FOXO4: variants seen among roughly 807,000 people sequenced by gnomAD.
FOXO4 encodes forkhead box protein O4.
Under a neutral mutation model 20.8 loss-of-function variants are expected in FOXO4, and 3 were observed. The observed-to-expected ratio is 0.14, with a 90% CI of 0.07 to 0.37. The LOEUF is 0.37. FOXO4 is among the 10% of genes least tolerant of loss of function. FOXO4 has a pLI of 1.00. For missense variants in FOXO4, 309 were observed against 431.9 expected (o/e 0.72, Z 2.52); for synonymous variants, 158 against 180.0 (o/e 0.88, Z 0.98).
intron 1 of FOXO4, among the ~76,000 whole-genome samples, chrX:71,098,435 C>G (rs944003825): frequency 1.7e-4 from 19 of 112,111 alleles, no homozygotes; most frequent in Non-Finnish European, 3.4e-4. Flanking sequence ...AAGGCCCCCC[C>G]ACCCCTCTCT....
At chrX:71,097,291 C>T (rs1228776877) in intron 1 of FOXO4, among the ~76,000 whole-genome samples, 4 of 111,416 alleles carry the variant, frequency 3.6e-5, no homozygotes, top group African/African-American at 1.3e-4. Context: ...ACACTTATTC[C>T]CACAGAGAAG....
chrX:71,097,055 C>A, intron 1 of FOXO4, 74 bp downstream of exon 1: 1 of 917,357 alleles, frequency 1.1e-6, no homozygotes, highest in Non-Finnish European at 1.5e-6. Context: ...TACTTCTACT[C>A]TGGGGCCCCT....
In FOXO4 at chrX:71,101,352, G is replaced by T. The variant is rs774187721; in HGVS notation, c.1122G>T (p.Thr374=). The change falls in exon 2 of 3, where the codon ACG becomes ACT. Residue 374 remains threonine (T), a synonymous_variant. Transcript: ENST00000374259. ...TGGAGGCCCTGCTCACCTCTGATAC[G>T]CCACCACCCCCTGCTGACGTCCTCA... ...QALEALLTSD[T]PPPPADVLMT... is the part of the protein sequence containing the mutation. 2.5e-6 allele frequency: 3 copies of T among 1,209,056 alleles called. No homozygotes were observed. Among genetic ancestry groups the T allele is most frequent in the East Asian group, 3.0e-5 (1 of 33,734 alleles).
In FOXO4 at chrX:71,101,540, C is replaced by T; in HGVS notation, c.1310C>T (p.Pro437Leu). The T allele has an allele frequency of 8.3e-7, 1 of 1,211,791 alleles. No homozygotes were observed. The highest frequency in any genetic ancestry group is 1.1e-6 in the Non-Finnish European group (1 of 895,475). ...LVPTLSMIAP[P>L]PVMASAPIPK... Reference sequence around the variant, plus strand: ...CCCACCCTTTCTATGATAGCACCACCTCCAGTCATGGCAAGTGCCCCCATC... The same window carrying T: ...CCCACCCTTTCTATGATAGCACCACTTCCAGTCATGGCAAGTGCCCCCATC... The change falls in exon 2 of 3, where the codon CCT becomes CTT. Residue 437 changes from proline (P) to leucine (L), a missense_variant. Pro to Leu is a moderately conservative substitution (Grantham distance 98). Coordinates refer to ENST00000374259, the MANE Select transcript of FOXO4 (RefSeq NM_005938.4).
intron 1 of FOXO4, among the ~76,000 whole-genome samples, chrX:71,100,177 C>A (rs2092226939): frequency 9.3e-6 from 1 of 107,714 alleles, no homozygotes. Context: ...GGTACCGCTC[C>A]CCCCACCCCC....
Position 71,096,732 on chromosome X carries a change from G to A in FOXO4, c.204G>A (p.Leu68=). ...CGGAGGGGCGCTCAGAGCCGATCCT[G>A]TTGCCCTCTCGGCTCCCAGAGCCGG... ...VHTEGRSEPI[L]LPSRLPEPAG... The change falls in exon 1 of 3, where the codon CTG becomes CTA. Residue 68 remains leucine, a synonymous_variant. Coordinates refer to ENST00000374259, the MANE Select transcript of FOXO4 (RefSeq NM_005938.4). 3.3e-6 allele frequency: 4 copies of A among 1,205,071 alleles called. No individual in the cohort carries two copies. The South Asian group carries it at 7.2e-5, about 22-fold the overall frequency.
At position 71,096,610 on chromosome X, in the gene FOXO4, C is replaced by A; in HGVS notation, c.82C>A (p.Pro28Thr). 1 of 1,210,625 alleles carries A rather than the reference C, an allele frequency of 8.3e-7. No individual in the cohort carries two copies. Among genetic ancestry groups the A allele is most frequent in the Non-Finnish European group, 1.1e-6 (1 of 894,743 alleles). Residue 28 changes from proline (P) to threonine (T), a missense_variant, in exon 1 of 3, where the codon CCC becomes ACC. By Grantham distance (38) the Pro-to-Thr change is conservative. Around this residue, in one of 3 missense-constraint regions of FOXO4, gnomAD observed 81 missense variants for 94.2 expected, o/e 0.86. Transcript: ENST00000374259. ...LDPDFEPQSR[P>T]RSCTWPLPRP... is the part of the protein sequence containing the mutation. The stretch of plus-strand genomic sequence containing the variant: ...TCCCGACTTCGAACCCCAGAGCCGT[C>A]CCCGCTCCTGCACCTGGCCCCTTCC...
intron 1 of FOXO4, among the ~76,000 whole-genome samples, chrX:71,097,873 AT>A (rs2092222083): frequency 9.0e-6 from 1 of 111,724 alleles, no homozygotes; most frequent in African/African-American, 3.3e-5. Context: ...TGAGGTCAGC[AT>A]ATAACCAAGT....
rs778894784 is a variant in FOXO4, at chrX:71,100,746, C to A, written c.516C>A (p.Thr172=). The part of the protein sequence containing the change: ...SKFIKVHNEA[T]GKSSWWMLNP... ...TCATCAAGGTTCACAACGAGGCCACCGGCAAAAGCTCTTGGTGGATGCTGA... is the reference window on the plus strand; with the variant it reads ...TCATCAAGGTTCACAACGAGGCCACAGGCAAAAGCTCTTGGTGGATGCTGA... The change falls in exon 2 of 3, where the codon ACC becomes ACA. Residue 172 remains threonine (T), a synonymous_variant. Coordinates refer to ENST00000374259, the MANE Select transcript of FOXO4 (RefSeq NM_005938.4). 2.1e-5 allele frequency: 25 copies of A among 1,206,282 alleles called. 1 individual carries two copies. In the Admixed American group the frequency reaches 3.1e-4, roughly 15 times the overall value.
At position 71,102,316 on chromosome X, in the gene FOXO4, A is replaced by G. The variant is rs961477430; in HGVS notation, c.*232A>G. 2.3e-6 allele frequency: 1 copy of G among 430,967 alleles called. No homozygotes were observed. Among genetic ancestry groups the G allele is most frequent in the Non-Finnish European group, 4.0e-6 (1 of 247,315 alleles). The allele number at this position is 430,967 out of a possible 1,213,427, so 35.5% of individuals were successfully genotyped here. ...GGAGAGGGTTTTTCTCACTGTGCCA[A>G]TTAGGGGGTAAGGCCCCCTCTCAGG... On this transcript the variant is annotated 3_prime_UTR_variant, in exon 3 of 3. Coordinates refer to ENST00000374259, the MANE Select transcript of FOXO4 (RefSeq NM_005938.4).
chrX:71,100,574 A>G, intron 1 of FOXO4, 110 bp from the exon 2 acceptor site: 2 of 540,855 alleles, frequency 3.7e-6, no homozygotes, highest in Admixed American at 4.7e-5. Context: ...GTGGCACCAA[A>G]TCCTAAACCC....
intron 1 of FOXO4, among the ~76,000 whole-genome samples, chrX:71,098,663 A>G (rs1013700878): frequency 8.9e-6 from 1 of 112,302 alleles, no homozygotes; most frequent in Non-Finnish European, 1.9e-5. Context: ...ACCACTTGCT[A>G]GTTCCAAGGC....
In FOXO4 at chrX:71,096,155, G is replaced by A; in HGVS notation, c.-374G>A. On this transcript the variant is annotated 5_prime_UTR_variant, in exon 1 of 3. Transcript: ENST00000374259. ...GTCCGGGGGGCAGCAACTTAAAAGG[G>A]GGAGGGAACTGCGGCTAAGGAGACG... The A allele has an allele frequency of 4.6e-6, 1 of 217,215 alleles. No individual in the cohort carries two copies. Among genetic ancestry groups the A allele is most frequent in the Non-Finnish European group, 8.4e-6 (1 of 119,520 alleles). The allele number at this position is 217,215 out of a possible 1,213,427, so 17.9% of individuals were successfully genotyped here.
rs746261779 is a variant in FOXO4, at chrX:71,100,948, G to A, written c.718G>A (p.Gly240Ser). Residue 240 changes from glycine (G) to serine (S), a missense_variant, in exon 2 of 3, where the codon GGC becomes AGC. By Grantham distance (56) the Gly-to-Ser change is moderately conservative. Around this residue, in one of 3 missense-constraint regions of FOXO4, gnomAD observed 223 missense variants for 302.7 expected, o/e 0.74. Coordinates refer to ENST00000374259, the MANE Select transcript of FOXO4 (RefSeq NM_005938.4). ...SPVGHFAKWSGSPCSRNREEA... is the reference protein window; with the variant it reads ...SPVGHFAKWSSSPCSRNREEA... ...TGTCGGCCACTTTGCCAAGTGGTCAGGCAGCCCTTGCTCTCGAAACCGTGA... is the reference window on the plus strand; with the variant it reads ...TGTCGGCCACTTTGCCAAGTGGTCAAGCAGCCCTTGCTCTCGAAACCGTGA... 21 of 1,209,815 alleles carry A rather than the reference G, an allele frequency of 1.7e-5. No homozygotes were observed. The highest frequency in any genetic ancestry group is 2.0e-5 in the Non-Finnish European group (18 of 894,963).
Position 71,101,324 on chromosome X carries a change from C to A in FOXO4, c.1094C>A (p.Ala365Asp). ...GAAGGGTGCTTCTCCAGCTCCCAGG[C>A]TCTGGAGGCCCTGCTCACCTCTGAT... ...AGEGCFSSSQ[A>D]LEALLTSDTP... The change falls in exon 2 of 3, where the codon GCT (alanine) becomes GAT (aspartate). Residue 365 changes from alanine (A) to aspartate (D), a missense_variant. Physicochemically the swap from Ala to Asp is moderately radical, Grantham distance 126 (BLOSUM62 -2). Transcript: ENST00000374259. 8.3e-7 allele frequency: 1 copy of A among 1,211,677 alleles called. No homozygotes were observed.
chrX:71,096,557 C>G lies in FOXO4; in HGVS notation c.29C>G (p.Thr10Arg). 3 of 1,208,897 alleles carry G rather than the reference C, an allele frequency of 2.5e-6. No individual in the cohort carries two copies. Among genetic ancestry groups the G allele is most frequent in the Non-Finnish European group, 3.4e-6 (3 of 893,994 alleles). Residue 10 changes from threonine (T) to arginine (R), a missense_variant, in exon 1 of 3, where the codon ACA (threonine) becomes AGA (arginine). Coordinates refer to ENST00000374259, the MANE Select transcript of FOXO4 (RefSeq NM_005938.4). MDPGNENSA[T>R]EAAAIIDLDP... Reference sequence around the variant, plus strand: ...GATCCGGGGAATGAGAATTCAGCCACAGAGGCTGCCGCGATCATAGACCTA... The same window carrying G: ...GATCCGGGGAATGAGAATTCAGCCAGAGAGGCTGCCGCGATCATAGACCTA...
At chrX:71,097,800 G>A (rs2092221900) in intron 1 of FOXO4, among the ~76,000 whole-genome samples, 1 of 111,503 alleles carries the variant, frequency 9.0e-6, no homozygotes, top group African/African-American at 3.3e-5. Flanking sequence ...AGAAAATATG[G>A]GGCTGTAATC....
chrX:71,101,102 G>C lies in FOXO4; in HGVS notation c.872G>C (p.Ser291Thr). 8.3e-7 allele frequency: 1 copy of C among 1,211,819 alleles called. No homozygotes were observed. The highest frequency in any genetic ancestry group is 1.1e-6 in the Non-Finnish European group (1 of 895,511). The change falls in exon 2 of 3, where the codon AGT becomes ACT. Residue 291 changes from serine to threonine, a missense_variant. This residue lies in a region of FOXO4 where 223 missense variants were observed against 302.7 expected (regional missense o/e 0.74). Transcript: ENST00000374259. ...GAGGAAATACCAGCTTCAGTCAGCA[G>C]TTATGCAGGGGGTGTCCCTCCCACC... ...LAEEIPASVS[S>T]YAGGVPPTLN...
chrX:71,102,045 C>T (rs781100300), intron 2 of FOXO4, 32 bp from the exon 3 acceptor site: 1 of 1,207,148 alleles, frequency 8.3e-7, no homozygotes, highest in Non-Finnish European at 1.1e-6. Flanking sequence ...AGGTAAGCCT[C>T]TTACCTTGTT....
Sources: gnomAD v4.1 joint callset for allele counts (sites outside exome capture counted in the v4.1 genomes callset) on GRCh38, gnomAD v4.1.1 for gene constraint, gnomAD v4.1.1 regional missense constraint, MANE v1.5 for transcripts, NCBI Gene and HGNC (gene_info 2026-07-23, HGNC 2026-07-21) for gene names.